Variants in ATP8B1 observed in about 807,000 individuals in gnomAD.
The protein encoded by ATP8B1 is ATPase phospholipid transporting 8B1, also known as phospholipid-transporting ATPase IC.
ATP8B1 carries 80 observed loss-of-function variants against 149.9 expected under a neutral mutation model. The observed-to-expected ratio is 0.53, with a 90% CI of 0.45 to 0.64. The LOEUF (loss-of-function observed/expected upper bound fraction) is 0.64, where lower values mean the gene tolerates loss of function less well. Among genes scored for constraint, ATP8B1 ranks in the 30% least tolerant of loss-of-function variants. ATP8B1 has a pLI of 0.00. For missense variants in ATP8B1, 1,247 were observed against 1,552.6 expected, an observed-to-expected ratio of 0.80 and a Z score of 3.31; for synonymous variants, 536 against 562.8, an observed-to-expected ratio of 0.95 and a Z score of 0.67.
At chr18:57,705,124 A>G (rs1217901686) in intron 3 of ATP8B1, among the ~76,000 whole-genome samples, 3 of 152,204 alleles carry the variant, frequency 2.0e-5, no homozygotes, top group African/African-American at 7.2e-5. Flanking sequence ...TAAGCTTTTA[A>G]TTCTAGCCAA....
chr18:57,759,155 C>CAGAAAAAAAAAAAAAAA (rs2080119102), intron 1 of ATP8B1, among the ~76,000 whole-genome samples: 1 of 106,312 alleles, frequency 9.4e-6, no homozygotes, highest in Non-Finnish European at 1.9e-5. Context: ...GATTCCATCT[C>CAGAAAAAAAAAAAAAAA]AAAAAAAAAA....
chr18:57,668,879 G>C (rs1223419270), intron 18 of ATP8B1: 1 of 254,438 alleles, frequency 3.9e-6, no homozygotes, highest in African/African-American at 2.3e-5. Flanking sequence ...CTAGCTATTT[G>C]TTGAATATTT....
Position 57,687,855 on chromosome 18 carries a change from C to T in ATP8B1, c.1429+444G>A, listed in dbSNP as rs1227428177. Among the ~76,000 whole-genome samples, 5 of 143,494 alleles carry T rather than the reference C, an allele frequency of 3.5e-5. No homozygotes were observed. In the East Asian group the frequency reaches 8.7e-4, roughly 25 times the overall value. The allele number at this position is 143,494 out of a possible 152,430, so 94.1% of individuals were successfully genotyped here. On this transcript the variant is annotated intron_variant, in intron 13 of 27. Coordinates refer to ENST00000648908, the MANE Select transcript of ATP8B1 (RefSeq NM_001374385.1). ...AGTGCAGTGGTGTGATCTCAGCTCACTGCAACCTCTGCCTCCCGGGTTCAA... is the reference window on the plus strand; with the variant it reads ...AGTGCAGTGGTGTGATCTCAGCTCATTGCAACCTCTGCCTCCCGGGTTCAA...
At chr18:57,700,556 AT>A (rs1031494566) in intron 6 of ATP8B1, among the ~76,000 whole-genome samples, 1 of 152,228 alleles carries the variant, frequency 6.6e-6, no homozygotes, top group Non-Finnish European at 1.5e-5. Flanking sequence ...AGTACTCAAA[AT>A]AGTCATCTTT....
At chr18:57,778,878 C>T (rs1344477756) in intron 1 of ATP8B1, among the ~76,000 whole-genome samples, 1 of 152,154 alleles carries the variant, frequency 6.6e-6, no homozygotes. Flanking sequence ...ACTAGAAGGG[C>T]ATCACCAGGT....
At position 57,691,878 on chromosome 18, in the gene ATP8B1, G is replaced by T. The variant is rs1243582151; in HGVS notation, c.1149C>A (p.Tyr383Ter). 6.2e-7 allele frequency: 1 copy of T among 1,614,158 alleles called. No homozygotes were observed. The highest frequency in any genetic ancestry group is 1.7e-5 in the Admixed American group (1 of 60,028). The part of the protein sequence containing the change: ...LYDGEDDTPS[Y>*]RGFLIFWGYI... ...AGCCCCAGAAAATGAGGAATCCACG[G>T]TAGGAGGGTGTATCGTCTTCTCCAT... Residue 383 changes from tyrosine (Y) to a stop codon, truncating the protein, a stop_gained, in exon 12 of 28, where the codon TAC (tyrosine) becomes TAA (stop). Coordinates refer to ENST00000648908, the MANE Select transcript of ATP8B1 (RefSeq NM_001374385.1). LOFTEE classifies it high-confidence loss of function.
chr18:57,718,265 T>A (rs1013755622), intron 2 of ATP8B1, among the ~76,000 whole-genome samples: 2 of 151,622 alleles, frequency 1.3e-5, no homozygotes, highest in African/African-American at 4.8e-5. Flanking sequence ...TAGAAAAAAA[T>A]GGATAAATTC....
At chr18:57,773,201 T>A (rs2663843) in intron 1 of ATP8B1, among the ~76,000 whole-genome samples, 98,664 of 139,150 alleles carry the variant, frequency 0.71, 35,576 homozygotes, top group African/African-American at 0.82. Flanking sequence ...GACTCTGTCT[T>A]AAAAAAAAAA....
chr18:57,747,252 A>C (rs1281493944), intron 1 of ATP8B1, among the ~76,000 whole-genome samples: 4 of 152,158 alleles, frequency 2.6e-5, no homozygotes, highest in Non-Finnish European at 5.9e-5. Flanking sequence ...CAGGAGTTCA[A>C]GACCAGCCTG....
chr18:57,724,106 G>C (rs1168068590), intron 2 of ATP8B1, among the ~76,000 whole-genome samples: 5 of 151,510 alleles, frequency 3.3e-5, no homozygotes, highest in Admixed American at 2.6e-4. Flanking sequence ...AATTCAAGAT[G>C]GATTAAAGAT....
chr18:57,748,260 C>A (rs1423233568), intron 1 of ATP8B1, among the ~76,000 whole-genome samples: 2 of 152,180 alleles, frequency 1.3e-5, no homozygotes, highest in East Asian at 3.8e-4. Context: ...TATCCCCATT[C>A]TACAAATAAA....
chr18:57,661,626 CGTGT>C lies in ATP8B1; in HGVS notation c.2419-168_2419-165del, dbSNP rs1249151698. The stretch of plus-strand genomic sequence containing the variant: ...ACCAAAACATGTATATATATGTGTG[CGTGT>C]GTATGTATATACACACGCACACATA... On this transcript the variant is annotated intron_variant, in intron 21 of 27. Coordinates refer to ENST00000648908, the MANE Select transcript of ATP8B1 (RefSeq NM_001374385.1). Among the ~76,000 whole-genome samples the C allele has an allele frequency of 8.8e-5, 12 of 136,986 alleles. No homozygotes were observed. The East Asian group carries it at 1.2e-3, about 13-fold the overall frequency. 89.9% of individuals were successfully genotyped at this position (136,986 alleles called of 152,430 possible). A position where few individuals can be genotyped will look rare whatever the true frequency, so the allele number is the denominator to read the frequency against.
At chr18:57,737,897 A>C (rs1049391428) in intron 1 of ATP8B1, 1 of 152,370 alleles carries the variant, frequency 6.6e-6, no homozygotes, top group Non-Finnish European at 1.5e-5. Context: ...CCACCCACAC[A>C]ATCTGCACAG....
Position 57,760,904 on chromosome 18 carries a change from G to A in ATP8B1, c.-25-29072C>T, listed in dbSNP as rs575024105. On this transcript the variant is annotated intron_variant, in intron 1 of 27. Transcript: ENST00000648908. ...CTCCAGAGGCTGAGGCAGGAGAATC[G>A]CTTGAACCCAGGAGGCAGAGGTTGC... Among the ~76,000 whole-genome samples the A allele has an allele frequency of 2.8e-3, 423 of 151,814 alleles. 1 individual carries two copies. The highest frequency in any genetic ancestry group is 0.01 in the Middle Eastern group (3 of 292).
chr18:57,794,371 T>C (rs750822145), intron 1 of ATP8B1, among the ~76,000 whole-genome samples: 1 of 148,524 alleles, frequency 6.7e-6, no homozygotes, highest in Non-Finnish European at 1.5e-5. Flanking sequence ...ATTATAGAGG[T>C]GGAACATTTG....
Position 57,753,938 on chromosome 18 carries a change from AAAAAAAAAAAGAAAGAAAGAAAAG to A in ATP8B1, c.-25-22130_-25-22107del, listed in dbSNP as rs778446121. Among the ~76,000 whole-genome samples the A allele has an allele frequency of 3.2e-3, 160 of 49,556 alleles. 1 individual carries two copies. Among genetic ancestry groups the A allele is most frequent in the Middle Eastern group, 0.014 (1 of 72 alleles). 32.5% of individuals were successfully genotyped at this position (49,556 alleles called of 152,430 possible). On this transcript the variant is annotated intron_variant, in intron 1 of 27. Coordinates refer to ENST00000648908, the MANE Select transcript of ATP8B1 (RefSeq NM_001374385.1). ...CAGAACAAGACTCTGTCTCAAAAAAAAAAAAAAAAAGAAAGAAAGAAAAGAAAAAAAAAAAGATACATCTGAATA... is the reference window on the plus strand; with the variant it reads ...CAGAACAAGACTCTGTCTCAAAAAAAAAAAAAAAAAAGATACATCTGAATA...
At chr18:57,706,696 C>T (rs1913415126) in intron 2 of ATP8B1, 109 bp from the exon 3 acceptor site, 2 of 877,578 alleles carry the variant, frequency 2.3e-6, no homozygotes, top group Non-Finnish European at 3.7e-6. Context: ...CTCCATCCCT[C>T]AGAATGTGAC....
rs1367321101 is a variant in ATP8B1, at chr18:57,803,130, G to C, written c.-158C>G. On this transcript the variant is annotated 5_prime_UTR_variant, in exon 1 of 28. Coordinates refer to ENST00000648908, the MANE Select transcript of ATP8B1 (RefSeq NM_001374385.1). ...GCCGCGCTAGCGCTGCATGGCGCACGGGGGCTGGCCGGGGGCCCGGGGAAG... is the reference window on the plus strand; with the variant it reads ...GCCGCGCTAGCGCTGCATGGCGCACCGGGGCTGGCCGGGGGCCCGGGGAAG... The C allele has an allele frequency of 1.3e-5, 2 of 151,996 alleles. No individual in the cohort carries two copies. The highest frequency in any genetic ancestry group is 1.3e-4 in the Admixed American group (2 of 15,244). 9.4% of individuals were successfully genotyped at this position (151,996 alleles called of 1,614,324 possible).
chr18:57,755,686 A>G (rs1484004396), intron 1 of ATP8B1, among the ~76,000 whole-genome samples: 1 of 152,194 alleles, frequency 6.6e-6, no homozygotes, highest in Non-Finnish European at 1.5e-5. Context: ...AAACTCCCAA[A>G]GGGAGCTTTT....
Sources: gnomAD v4.1 joint callset for allele counts (sites outside exome capture counted in the v4.1 genomes callset) on GRCh38, gnomAD v4.1.1 for gene constraint, MANE v1.5 for transcripts, NCBI Gene and HGNC (gene_info 2026-07-23, HGNC 2026-07-21) for gene names.